Variants in KCNN3 observed in about 807,000 individuals in gnomAD.
KCNN3 encodes small conductance calcium-activated potassium channel protein 3.
A neutral mutation model predicts 62.9 loss-of-function variants in KCNN3; 16 were observed. That is an observed-to-expected ratio of 0.25 (90% CI 0.17 to 0.39). The LOEUF is 0.39. Ranked by LOEUF, KCNN3 falls within the 10% of genes least tolerant of loss-of-function variation. The pLI is 1.00. For synonymous variants in KCNN3, 370 were observed against 389.2 expected, an observed-to-expected ratio of 0.95 and a Z score of 0.58; for missense variants, 599 against 949.4, an observed-to-expected ratio of 0.63 and a Z score of 4.85.
In KCNN3 at chr1:154,792,658, A is replaced by G. The variant is rs113698698; in HGVS notation, c.1030-20265T>C. ...TGGTTAGAGAGATTGTCAAACCTTG[A>G]AGAAGGGTAGAGACGGAAAGAGAGA... On this transcript the variant is annotated intron_variant, in intron 2 of 7. Transcript: ENST00000271915. Among the ~76,000 whole-genome samples, 3 of 152,312 alleles carry G rather than the reference A, an allele frequency of 2.0e-5. 1 individual carries two copies. Among genetic ancestry groups the G allele is most frequent in the African/African-American group, 7.2e-5 (3 of 41,562 alleles).
At chr1:154,708,331 G>T in intron 7 of KCNN3, 59 bp from the exon 8 acceptor site, 1 of 1,554,364 alleles carries the variant, frequency 6.4e-7, no homozygotes, top group Non-Finnish European at 8.8e-7. Flanking sequence ...AGAGGAATCT[G>T]CAATGGGAGA....
intron 5 of KCNN3, among the ~76,000 whole-genome samples, chr1:154,723,540 A>C (rs1262519853): frequency 6.6e-6 from 1 of 152,230 alleles, no homozygotes; most frequent in Non-Finnish European, 1.5e-5. Flanking sequence ...TATTGCAGAA[A>C]AATTGTTTAT....
At chr1:154,825,266 T>C (rs1301348972) in intron 1 of KCNN3, among the ~76,000 whole-genome samples, 2 of 152,082 alleles carry the variant, frequency 1.3e-5, no homozygotes, top group East Asian at 3.9e-4. Context: ...GGTCAACTGG[T>C]CAACCCTTCT....
chr1:154,726,596 C>A (rs928470630), intron 4 of KCNN3, among the ~76,000 whole-genome samples: 2 of 152,224 alleles, frequency 1.3e-5, no homozygotes, highest in Admixed American at 6.5e-5. Context: ...CAGGTTGGCA[C>A]GAACACGTGC....
intron 1 of KCNN3, among the ~76,000 whole-genome samples, chr1:154,848,096 C>A (rs866487550): frequency 6.6e-6 from 1 of 152,144 alleles, no homozygotes; most frequent in Non-Finnish European, 1.5e-5. Context: ...AAGGAGGCCT[C>A]CCCCCCTCCC....
chr1:154,867,787 C>T (rs1391801836), intron 1 of KCNN3, among the ~76,000 whole-genome samples: 1 of 145,764 alleles, frequency 6.9e-6, no homozygotes, highest in African/African-American at 2.6e-5. Flanking sequence ...AACAAGCAGG[C>T]GCATGCATAC....
chr1:154,707,669 T>G lies in KCNN3; in HGVS notation c.*307A>C. 3 of 284,662 alleles carry G rather than the reference T, an allele frequency of 1.1e-5. No individual in the cohort carries two copies. The highest frequency in any genetic ancestry group is 1.3e-5 in the Non-Finnish European group (2 of 150,974). 17.6% of individuals were successfully genotyped at this position (284,662 alleles called of 1,614,324 possible). Reference sequence around the variant, plus strand: ...GTGCATCTGACCCCCACCCCCCGCGTGAAGACCTGAGATTGAGCGTGGATT... The same window carrying G: ...GTGCATCTGACCCCCACCCCCCGCGGGAAGACCTGAGATTGAGCGTGGATT... On this transcript the variant is annotated 3_prime_UTR_variant, in exon 8 of 8. Transcript: ENST00000271915.
chr1:154,826,062 C>CAAA (rs66840003), intron 1 of KCNN3, among the ~76,000 whole-genome samples: 1 of 129,420 alleles, frequency 7.7e-6, no homozygotes, highest in African/African-American at 3.3e-5. Flanking sequence ...AAAACAAAAA[C>CAAA]AAAAACAAAA....
At position 154,749,137 on chromosome 1, in the gene KCNN3, G is replaced by A. The variant is rs996563876; in HGVS notation, c.1449-15993C>T. ...CTGGATCTGTGTTATAATGAGCCATGCTTCCCAGGAGAGTAAGACAGAGCC... is the reference window on the plus strand; with the variant it reads ...CTGGATCTGTGTTATAATGAGCCATACTTCCCAGGAGAGTAAGACAGAGCC... On this transcript the variant is annotated intron_variant, in intron 3 of 7. Coordinates refer to ENST00000271915, the MANE Select transcript of KCNN3 (RefSeq NM_002249.6). Among the ~76,000 whole-genome samples, 3 of 152,222 alleles carry A rather than the reference G, an allele frequency of 2.0e-5. No individual in the cohort carries two copies. The East Asian group carries it at 5.8e-4, about 29-fold the overall frequency.
intron 7 of KCNN3, among the ~76,000 whole-genome samples, chr1:154,712,912 A>G (rs1700109033): frequency 6.6e-6 from 1 of 152,148 alleles, no homozygotes; most frequent in South Asian, 2.1e-4. Flanking sequence ...CTTTTTGGGT[A>G]TCTTCATGTT....
chr1:154,846,444 C>T (rs987877996), intron 1 of KCNN3, among the ~76,000 whole-genome samples: 1 of 152,202 alleles, frequency 6.6e-6, no homozygotes, highest in African/African-American at 2.4e-5. Context: ...TGAGGGGGAG[C>T]CAGGAGCGTC....
At chr1:154,831,125 C>T (rs886256493) in intron 1 of KCNN3, among the ~76,000 whole-genome samples, 3 of 152,214 alleles carry the variant, frequency 2.0e-5, no homozygotes, top group Admixed American at 6.5e-5. Context: ...TGGAAACATA[C>T]AGGATGAGGC....
At chr1:154,816,495 A>G (rs1460576217) in intron 2 of KCNN3, among the ~76,000 whole-genome samples, 1 of 152,194 alleles carries the variant, frequency 6.6e-6, no homozygotes, top group East Asian at 1.9e-4. Context: ...ATTGGCCTGG[A>G]TGTAGGGACG....
intron 2 of KCNN3, among the ~76,000 whole-genome samples, chr1:154,812,501 T>G (rs920324858): frequency 1.3e-5 from 2 of 149,788 alleles, no homozygotes; most frequent in South Asian, 4.4e-4. Context: ...AGTGAGAACA[T>G]GCGGTGTTTG....
At chr1:154,713,188 G>C (rs1336314186) in intron 7 of KCNN3, among the ~76,000 whole-genome samples, 1 of 152,128 alleles carries the variant, frequency 6.6e-6, no homozygotes, top group Non-Finnish European at 1.5e-5. Flanking sequence ...AAAATGACAC[G>C]GAAAAGGTTT....
intron 4 of KCNN3, among the ~76,000 whole-genome samples, chr1:154,727,492 T>A (rs1320038217): frequency 6.6e-6 from 1 of 152,222 alleles, no homozygotes; most frequent in African/African-American, 2.4e-5. Flanking sequence ...CTAGCCTGTG[T>A]GAAGTTTCAA....
At chr1:154,814,634 T>TA (rs1293650598) in intron 2 of KCNN3, among the ~76,000 whole-genome samples, 2 of 152,170 alleles carry the variant, frequency 1.3e-5, no homozygotes, top group East Asian at 1.9e-4. Context: ...GAAAACCCTC[T>TA]AAAAAATACA....
intron 2 of KCNN3, among the ~76,000 whole-genome samples, chr1:154,795,034 G>A (rs1217390033): frequency 1.3e-5 from 2 of 152,184 alleles, no homozygotes; most frequent in Non-Finnish European, 2.9e-5. Flanking sequence ...GGTTCCATAA[G>A]TAGCCTATAC....
intron 3 of KCNN3, among the ~76,000 whole-genome samples, chr1:154,760,679 C>A (rs1239874822): frequency 1.3e-5 from 2 of 152,230 alleles, no homozygotes; most frequent in Non-Finnish European, 2.9e-5. Context: ...CCCGCGGACT[C>A]GCGGCCTCTC....
Sources: gnomAD v4.1 joint callset for allele counts (sites outside exome capture counted in the v4.1 genomes callset) on GRCh38, gnomAD v4.1.1 for gene constraint, MANE v1.5 for transcripts, NCBI Gene and HGNC (gene_info 2026-07-23, HGNC 2026-07-21) for gene names.